The following WDFY2 variants were observed in gnomAD, a reference collection of about 807,000 sequenced individuals.
The protein encoded by WDFY2 is WD repeat and FYVE domain-containing protein 2.
In WDFY2, 36 loss-of-function variants were observed where a neutral mutation model predicts 56.4. The ratio of observed to expected loss-of-function variants is 0.64; its 90% CI spans 0.49 to 0.84. WDFY2 has a LOEUF of 0.84. Among genes scored for constraint, WDFY2 ranks in the 40% least tolerant of loss-of-function variants. The pLI is 0.00. For synonymous variants in WDFY2, 176 were observed against 183.7 expected, an observed-to-expected ratio of 0.96 and a Z score of 0.34; for missense variants, 444 against 512.2, an observed-to-expected ratio of 0.87 and a Z score of 1.29.
At chr13:51,685,556 T>A (rs1956047020) in intron 3 of WDFY2, among the ~76,000 whole-genome samples, 1 of 152,120 alleles carries the variant, frequency 6.6e-6, no homozygotes, top group African/African-American at 2.4e-5. Context: ...AAAATGTGAC[T>A]AAGAAAATCA....
At chr13:51,585,272 C>T (rs1953915546) in intron 1 of WDFY2, among the ~76,000 whole-genome samples, 2 of 152,244 alleles carry the variant, frequency 1.3e-5, no homozygotes, top group African/African-American at 2.4e-5. Context: ...AAGCAAATGC[C>T]ACTCCTTCTT....
intron 1 of WDFY2, among the ~76,000 whole-genome samples, chr13:51,660,275 C>T (rs1428066196): frequency 6.6e-6 from 1 of 151,924 alleles, no homozygotes; most frequent in Non-Finnish European, 1.5e-5. Context: ...TGACTCACTG[C>T]AACCTCTGCC....
rs562035339 is a variant in WDFY2 at position 51,642,098 on chromosome 13, A to G, written c.138-18498A>G. On this transcript the variant is annotated intron_variant, in intron 1 of 11. Transcript: ENST00000298125. ...TTCTTATTAGTCTTTCCAGTTATCTATATCTTAGACCTTTTCATTCTAATC... is the reference window on the plus strand; with the variant it reads ...TTCTTATTAGTCTTTCCAGTTATCTGTATCTTAGACCTTTTCATTCTAATC... 7.2e-5 allele frequency among the ~76,000 whole-genome samples: 11 copies of G among 152,090 alleles called. No individual in the cohort carries two copies. The East Asian group carries it at 9.6e-4, about 13-fold the overall frequency.
intron 3 of WDFY2, among the ~76,000 whole-genome samples, chr13:51,693,800 A>T (rs1304542771): frequency 6.6e-6 from 1 of 152,040 alleles, no homozygotes; most frequent in Non-Finnish European, 1.5e-5. Flanking sequence ...GTCTCCCATT[A>T]TTATTGTGTG....
At chr13:51,586,169 A>T (rs921189564) in intron 1 of WDFY2, 3 of 398,034 alleles carry the variant, frequency 7.5e-6, no homozygotes, top group Admixed American at 4.4e-5. Flanking sequence ...GATTTTTTCC[A>T]TAAAGGCAAA....
chr13:51,725,551 G>A (rs529834032), intron 5 of WDFY2, among the ~76,000 whole-genome samples: 2 of 152,098 alleles, frequency 1.3e-5, no homozygotes, highest in South Asian at 2.1e-4. Flanking sequence ...AAAGGCACTC[G>A]AAATTGTTCT....
Position 51,766,116 on chromosome 13 carries a change from G to A in WDFY2, c.*6347G>A, listed in dbSNP as rs142633969. The A allele has an allele frequency of 6.6e-6, 1 of 152,344 alleles. No individual in the cohort carries two copies. The highest frequency in any genetic ancestry group is 1.5e-5 in the Non-Finnish European group (1 of 68,032). 9.4% of individuals were successfully genotyped at this position (152,344 alleles called of 1,614,324 possible). On this transcript the variant is annotated 3_prime_UTR_variant, in exon 12 of 12. Coordinates refer to ENST00000298125, the MANE Select transcript of WDFY2 (RefSeq NM_052950.4). ...CGTCAGTAGTATATGCCACTATGAA[G>A]TATGGCCAAAACCCTAGCGTCACTT...
At chr13:51,594,189 G>A (rs1171062056) in intron 1 of WDFY2, 1 of 152,170 alleles carries the variant, frequency 6.6e-6, no homozygotes, top group African/African-American at 2.4e-5. Context: ...GAATAACTGG[G>A]ACTACAGGTG....
At chr13:51,745,826 T>C (rs1953085422) in intron 7 of WDFY2, among the ~76,000 whole-genome samples, 2 of 151,166 alleles carry the variant, frequency 1.3e-5, no homozygotes, top group South Asian at 2.1e-4. Context: ...AGAGTGTTAA[T>C]TAACCATATA....
chr13:51,763,310 G>A lies in WDFY2; in HGVS notation c.*3541G>A, dbSNP rs1419141358. The A allele has an allele frequency of 6.6e-6, 1 of 152,182 alleles. No individual in the cohort carries two copies. Among genetic ancestry groups the A allele is most frequent in the Non-Finnish European group, 1.5e-5 (1 of 68,046 alleles). The allele number at this position is 152,182 out of a possible 1,614,324, so 9.4% of individuals were successfully genotyped here. On this transcript the variant is annotated 3_prime_UTR_variant, in exon 12 of 12. Coordinates refer to ENST00000298125, the MANE Select transcript of WDFY2 (RefSeq NM_052950.4). ...TGACAGTTTTTTTGGCTCCGGCCCTGTGGTGGGGGAGGTAATTATTGCCTT... is the reference window on the plus strand; with the variant it reads ...TGACAGTTTTTTTGGCTCCGGCCCTATGGTGGGGGAGGTAATTATTGCCTT...
At chr13:51,733,800 TG>T (rs1168867201) in intron 6 of WDFY2, among the ~76,000 whole-genome samples, 3 of 152,146 alleles carry the variant, frequency 2.0e-5, no homozygotes, top group Non-Finnish European at 4.4e-5. Context: ...GAGCATGTAT[TG>T]GCTGGTGATG....
chr13:51,741,161 C>A (rs1383683823), intron 7 of WDFY2, among the ~76,000 whole-genome samples: 2 of 152,186 alleles, frequency 1.3e-5, no homozygotes, highest in Non-Finnish European at 2.9e-5. Flanking sequence ...ATGGAATAGA[C>A]CCTGCTTGGA....
chr13:51,655,629 G>A (rs1955495734), intron 1 of WDFY2, among the ~76,000 whole-genome samples: 1 of 152,068 alleles, frequency 6.6e-6, no homozygotes, highest in South Asian at 2.1e-4. Flanking sequence ...TCTTCATGAA[G>A]ATTTAAGTCT....
At chr13:51,692,986 G>T (rs1459590053) in intron 3 of WDFY2, among the ~76,000 whole-genome samples, 1 of 151,840 alleles carries the variant, frequency 6.6e-6, no homozygotes, top group Non-Finnish European at 1.5e-5. Context: ...TTGTGTAGAG[G>T]TGTTTGTAGT....
intron 11 of WDFY2, among the ~76,000 whole-genome samples, chr13:51,759,381 G>A (rs1321939812): frequency 6.6e-6 from 1 of 152,156 alleles, no homozygotes; most frequent in Non-Finnish European, 1.5e-5. Context: ...TCGCTTTCAT[G>A]TTGGCTCATC....
In WDFY2 at chr13:51,719,278, G is replaced by A; in HGVS notation, c.415G>A (p.Ala139Thr). Reference sequence around the variant, plus strand: ...GAGCACAGGACAGGACAAGCAATTTGCCTGGCACTGCTCTGAGAGTGGGCA... The same window carrying A: ...GAGCACAGGACAGGACAAGCAATTTACCTGGCACTGCTCTGAGAGTGGGCA... Reference protein sequence around the residue: ...VLSTGQDKQFAWHCSESGQRL... With the variant: ...VLSTGQDKQFTWHCSESGQRL... Residue 139 changes from alanine (A) to threonine (T), a missense_variant, in exon 5 of 12, where the codon GCC (alanine) becomes ACC (threonine). Ala to Thr is a moderately conservative substitution (Grantham distance 58). Transcript: ENST00000298125. 1 of 1,614,178 alleles carries A rather than the reference G, an allele frequency of 6.2e-7. No individual in the cohort carries two copies. The highest frequency in any genetic ancestry group is 8.5e-7 in the Non-Finnish European group (1 of 1,180,020).
At chr13:51,758,342 CATATAAAT>C in intron 11 of WDFY2, 42 bp downstream of exon 11, 1 of 1,442,692 alleles carries the variant, frequency 6.9e-7, no homozygotes. Context: ...TCTTTGGCCT[CATATAAAT>C]ATACAGGAGC....
chr13:51,694,655 G>A (rs1951822832), intron 3 of WDFY2, among the ~76,000 whole-genome samples: 1 of 152,084 alleles, frequency 6.6e-6, no homozygotes, highest in Non-Finnish European at 1.5e-5. Context: ...TGACAATTAT[G>A]TGTCTTGGAG....
intron 9 of WDFY2, 79 bp from the exon 10 acceptor site, chr13:51,756,253 C>T: frequency 6.5e-7 from 1 of 1,538,950 alleles, no homozygotes; most frequent in South Asian, 1.3e-5. Flanking sequence ...TTACACCTCT[C>T]TGCCAGGAGG....
Sources: allele counts gnomAD v4.1 joint callset (sites outside exome capture counted in the v4.1 genomes callset), GRCh38; gene constraint gnomAD v4.1.1; transcripts MANE v1.5; gene names NCBI Gene and HGNC (gene_info 2026-07-23, HGNC 2026-07-21).